Variants in RASL10A observed in about 807,000 individuals in gnomAD.
The protein encoded by RASL10A is ras-like protein family member 10A.
RASL10A carries 13 observed loss-of-function variants against 17.3 expected under a neutral mutation model. That is an observed-to-expected ratio of 0.75 (90% CI 0.49 to 1.20). The LOEUF is 1.20. RASL10A is among the 50% of genes most tolerant of loss of function. RASL10A has a pLI of 0.00. For synonymous variants in RASL10A, 159 were observed against 142.2 expected (o/e 1.12, Z -0.84); for missense variants, 307 against 310.3 (o/e 0.99, Z 0.08).
Position 29,313,851 on chromosome 22 carries a change from C to T in RASL10A, c.344+12G>A, listed in dbSNP as rs1285188158. On this transcript the variant is annotated intron_variant, in intron 2 of 2. Transcript: ENST00000216101. Reference sequence around the variant, plus strand: ...TCCTAGCTCCCCACCGCCAGAACTGCCGGGCCCCTACCTGGTCTCCGCGAT... The same window carrying T: ...TCCTAGCTCCCCACCGCCAGAACTGTCGGGCCCCTACCTGGTCTCCGCGAT... 2 of 1,612,698 alleles carry T rather than the reference C, an allele frequency of 1.2e-6. No individual in the cohort carries two copies. The highest frequency in any genetic ancestry group is 2.2e-5 in the East Asian group (1 of 44,880).
At position 29,313,247 on chromosome 22, in the gene RASL10A, C is replaced by T. The variant is rs967435728; in HGVS notation, c.*54G>A. On this transcript the variant is annotated 3_prime_UTR_variant, in exon 3 of 3. Transcript: ENST00000216101. ...TTGGGCGATCCCGTCCAATCCAGGT[C>T]CCTGATTGTCCCAGTCACAAGGTGG... is the stretch of plus-strand genomic sequence containing the variant. 6.9e-6 allele frequency: 10 copies of T among 1,443,416 alleles called. No homozygotes were observed. Among genetic ancestry groups the T allele is most frequent in the Non-Finnish European group, 9.1e-6 (10 of 1,094,822 alleles). 89.4% of individuals were successfully genotyped at this position (1,443,416 alleles called of 1,614,324 possible).
In RASL10A at chr22:29,315,142, G is replaced by A. The variant is rs772459386; in HGVS notation, c.105C>T (p.Pro35=). The stretch of plus-strand genomic sequence containing the variant: ...GTCGGTAGAGGCGCGGCCCGTCCGT[G>A]GGCCGGTGGCGCTCGGGGTAGTCAC... The part of the protein sequence containing the change: ...LFGDYPERHR[P]TDGPRLYRPA... The change falls in exon 1 of 3, where the codon CCC becomes CCT. Residue 35 remains proline (P), a synonymous_variant. Transcript: ENST00000216101. The surrounding 1 kb of genome is among the most constrained non-coding windows in gnomAD (Gnocchi z 5.5). 2.6e-6 allele frequency: 4 copies of A among 1,532,760 alleles called. No individual in the cohort carries two copies. The highest frequency in any genetic ancestry group is 2.6e-6 in the Non-Finnish European group (3 of 1,145,706). 94.9% of individuals were successfully genotyped at this position (1,532,760 alleles called of 1,614,324 possible). A position where few individuals can be genotyped will look rare whatever the true frequency, so the allele number is the denominator to read the frequency against.
chr22:29,314,078 C>T (rs1220279989), intron 1 of RASL10A, 91 bp from the exon 2 acceptor site: 4 of 1,534,830 alleles, frequency 2.6e-6, no homozygotes, highest in Admixed American at 1.8e-5. Context: ...AATCCTCAGG[C>T]CAACATCACC....
intron 1 of RASL10A, among the ~76,000 whole-genome samples, chr22:29,314,773 A>G (rs1430571000): frequency 6.6e-6 from 1 of 151,788 alleles, no homozygotes; most frequent in Admixed American, 6.6e-5. Context: ...CCCCCAGCCG[A>G]GGCAGGCAAA....
upstream of RASL10A, among the ~76,000 whole-genome samples, chr22:29,318,715 C>G (rs1054259463): frequency 1.3e-5 from 2 of 152,210 alleles, no homozygotes; most frequent in African/African-American, 2.4e-5. Context: ...CTGCTGCCCC[C>G]CTCCAATCCC....
Position 29,313,213 on chromosome 22 carries a change from C to T in RASL10A, c.*88G>A. 1 of 1,384,682 alleles carries T rather than the reference C, an allele frequency of 7.2e-7. No homozygotes were observed. Among genetic ancestry groups the T allele is most frequent in the East Asian group, 2.7e-5 (1 of 37,632 alleles). The allele number at this position is 1,384,682 out of a possible 1,614,324, so 85.8% of individuals were successfully genotyped here. ...AGGGCGGAGACTTCCCTGTCCAGTC[C>T]CAGTGAAGTTGGGCGATCCCGTCCA... On this transcript the variant is annotated 3_prime_UTR_variant, in exon 3 of 3. Coordinates refer to ENST00000216101, the MANE Select transcript of RASL10A (RefSeq NM_006477.5).
rs912333096 is a variant in RASL10A, at chr22:29,313,320, G to A, written c.593C>T (p.Ala198Val). 2.6e-6 allele frequency: 4 copies of A among 1,525,348 alleles called. No homozygotes were observed. The highest frequency in any genetic ancestry group is 3.5e-6 in the Non-Finnish European group (4 of 1,135,286). 94.5% of individuals were successfully genotyped at this position (1,525,348 alleles called of 1,614,324 possible). Residue 198 changes from alanine to valine, a missense_variant, in exon 3 of 3, where the codon GCG (alanine) becomes GTG (valine). Ala to Val is a moderately conservative substitution (Grantham distance 64). Transcript: ENST00000216101. ...ATCGGGTCACATGAGGCTGCAGCGC[G>A]CGGGATGCAGCGCCCCCTGCAGGCG... ...ALRLQGALHPARCSLM is the reference protein window; with the variant it reads ...ALRLQGALHPVRCSLM
chr22:29,313,423 T>C lies in RASL10A; in HGVS notation c.490A>G (p.Asn164Asp). The change falls in exon 3 of 3, where the codon AAC becomes GAC. Residue 164 changes from asparagine (N) to aspartate (D), a missense_variant. Transcript: ENST00000216101. The stretch of plus-strand genomic sequence containing the variant: ...CGGAAGAGACGCAGCACGTGCCAGT[T>C]GTACTTGGCGGAGCACTCGAGGTAG... ...CGYLECSAKY[N>D]WHVLRLFREL... The C allele has an allele frequency of 1.9e-6, 3 of 1,541,520 alleles. No individual in the cohort carries two copies. Among genetic ancestry groups the C allele is most frequent in the Non-Finnish European group, 2.6e-6 (3 of 1,146,784 alleles).
rs1372041249 is a variant in RASL10A, at chr22:29,312,969, G to A, written c.*332C>T. The stretch of plus-strand genomic sequence containing the variant: ...TCCCTTTTATTATCCCGTGGTAGGT[G>A]TGGCATAAAGAATATGTCCAGTGAA... On this transcript the variant is annotated 3_prime_UTR_variant, in exon 3 of 3. Coordinates refer to ENST00000216101, the MANE Select transcript of RASL10A (RefSeq NM_006477.5). 2.0e-5 allele frequency: 7 copies of A among 350,944 alleles called. No individual in the cohort carries two copies. The highest frequency in any genetic ancestry group is 3.1e-5 in the Non-Finnish European group (6 of 196,248). 21.7% of individuals were successfully genotyped at this position (350,944 alleles called of 1,614,324 possible).
chr22:29,314,647 G>C (rs2061441972), intron 1 of RASL10A, among the ~76,000 whole-genome samples: 1 of 152,088 alleles, frequency 6.6e-6, no homozygotes, highest in South Asian at 2.1e-4. Flanking sequence ...CCCGTAGAAA[G>C]TACACCCCTG....
chr22:29,314,327 T>TTTTTAATGATAC, intron 1 of RASL10A: 1 of 250,940 alleles, frequency 4.0e-6, no homozygotes, highest in Non-Finnish European at 7.7e-6. Context: ...CCAAAGCCCT[T>TTTTTAATGATAC]GGCCCGAGTC....
Position 29,313,856 on chromosome 22 carries a change from C to CCCCT in RASL10A, c.344+3_344+6dup, listed in dbSNP as rs756635778. The CCCCT allele has an allele frequency of 1.2e-6, 2 of 1,612,940 alleles. No individual in the cohort carries two copies. Among genetic ancestry groups the CCCCT allele is most frequent in the Non-Finnish European group, 1.7e-6 (2 of 1,179,990 alleles). On this transcript the variant is annotated splice_region_variant and intron_variant, in intron 2 of 2. Transcript: ENST00000216101. ...GCTCCCCACCGCCAGAACTGCCGGGCCCCTACCTGGTCTCCGCGATGCGCT... is the reference window on the plus strand; with the variant it reads ...GCTCCCCACCGCCAGAACTGCCGGGCCCCTCCCTACCTGGTCTCCGCGATGCGCT...
chr22:29,316,014 TG>T (rs918944578), upstream of RASL10A, among the ~76,000 whole-genome samples: 123 of 151,638 alleles, frequency 8.1e-4, 2 homozygotes, highest in African/African-American at 2.9e-3. Flanking sequence ...GGGTCCGAAT[TG>T]GGGGGGGCGG....
rs1409663184 is a variant in RASL10A, at chr22:29,315,061, G to A, written c.186C>T (p.Val62=). 6.6e-7 allele frequency: 1 copy of A among 1,518,144 alleles called. No homozygotes were observed. Among genetic ancestry groups the A allele is most frequent in the Non-Finnish European group, 8.8e-7 (1 of 1,137,126 alleles). The allele number at this position is 1,518,144 out of a possible 1,614,324, so 94.0% of individuals were successfully genotyped here. Residue 62 remains valine, a synonymous_variant, in exon 1 of 3, where the codon GTC becomes GTT. Coordinates refer to ENST00000216101, the MANE Select transcript of RASL10A (RefSeq NM_006477.5). The surrounding 1 kb of genome is among the most constrained non-coding windows in gnomAD (Gnocchi z 5.5). ...CCCCGGGGCTCGAGCCGGGGCCAGC[G>A]ACGTCGCCGTCGCGGATGCTCAAGT... ...VYDLSIRDGD[V]AGPGSSPGGP...
At chr22:29,316,113 T>C (rs2061452894), upstream of RASL10A, among the ~76,000 whole-genome samples, 1 of 152,320 alleles carries the variant, frequency 6.6e-6, no homozygotes, top group East Asian at 1.9e-4. Context: ...CTCCAACCTT[T>C]TCTTGAGAGC....
intron 1 of RASL10A, among the ~76,000 whole-genome samples, 159 bp downstream of exon 1, chr22:29,314,869 G>A (rs1021311571): frequency 2.0e-5 from 3 of 152,228 alleles, no homozygotes. Context: ...CCAGGTCGGC[G>A]GGAAGGGCTG....
intron 1 of RASL10A, 54 bp from the exon 2 acceptor site, chr22:29,314,041 C>T (rs1386838321): frequency 1.2e-5 from 20 of 1,602,114 alleles, no homozygotes; most frequent in Middle Eastern, 1.6e-4. Context: ...CTTCCGCTCT[C>T]GAACCCTCTG....
intron 2 of RASL10A, 32 bp from the exon 3 acceptor site, chr22:29,313,600 G>A (rs774113754): frequency 3.3e-5 from 49 of 1,503,728 alleles, no homozygotes; most frequent in Non-Finnish European, 4.0e-5. Context: ...GAGACGCGGG[G>A]ACCCCACGGC....
At position 29,313,815 on chromosome 22, in the gene RASL10A, T is replaced by A. The variant is rs201827577; in HGVS notation, c.344+48A>T. The stretch of plus-strand genomic sequence containing the variant: ...ACACACTCTCCTCAGGCAAAGGCCC[T>A]GCCAGACCTGTCCTAGCTCCCCACC... On this transcript the variant is annotated intron_variant, in intron 2 of 2. Transcript: ENST00000216101. 555 of 1,606,850 alleles carry A rather than the reference T, an allele frequency of 3.5e-4. No individual in the cohort carries two copies. The African/African-American group carries it at 6.0e-3, about 17-fold the overall frequency.
Sources: allele counts gnomAD v4.1 joint callset (sites outside exome capture counted in the v4.1 genomes callset), GRCh38; gene constraint gnomAD v4.1.1; non-coding constraint Gnocchi (gnomAD v3.1); transcripts MANE v1.5; gene names NCBI Gene and HGNC (gene_info 2026-07-23, HGNC 2026-07-21).